RCN1: variants seen among roughly 807,000 people sequenced by gnomAD.
RCN1 encodes the protein reticulocalbin-1.
Under a neutral mutation model 34.7 loss-of-function variants are expected in RCN1, and 14 were observed. The ratio of observed to expected loss-of-function variants is 0.40; its 90% CI spans 0.27 to 0.63. The LOEUF is 0.63. Ranked by LOEUF, RCN1 falls within the 30% of genes least tolerant of loss-of-function variation. The probability of loss-of-function intolerance (pLI) is 0.37; values close to 1 mark genes in which losing one functional copy is unlikely to be tolerated. For missense variants in RCN1, 326 were observed against 425.1 expected, an observed-to-expected ratio of 0.77 and a Z score of 2.05; for synonymous variants, 125 against 165.5, an observed-to-expected ratio of 0.76 and a Z score of 1.88.
chr11:32,102,380 G>C (rs1484782821), intron 4 of RCN1: 1 of 152,278 alleles, frequency 6.6e-6, no homozygotes, highest in Non-Finnish European at 1.5e-5. Context: ...GGTCTACCTT[G>C]TAGTCAAGGG....
Position 32,104,876 on chromosome 11 carries a change from C to T in RCN1, c.*404C>T, listed in dbSNP as rs1852090814. On this transcript the variant is annotated 3_prime_UTR_variant, in exon 6 of 6. Transcript: ENST00000054950. ...ACTACCAGATTTTTTATATTTGCCA[C>T]TGTTAAATAGTTGGAAAGGGGAAAT... 5.6e-6 allele frequency: 1 copy of T among 178,176 alleles called. No homozygotes were observed. The highest frequency in any genetic ancestry group is 2.4e-5 in the African/African-American group (1 of 41,648). The allele number at this position is 178,176 out of a possible 1,614,324, so 11.0% of individuals were successfully genotyped here.
chr11:32,097,255 A>C lies in RCN1; in HGVS notation c.366A>C (p.Lys122Asn). The C allele has an allele frequency of 2.5e-6, 4 of 1,606,464 alleles. No individual in the cohort carries two copies. The highest frequency in any genetic ancestry group is 3.4e-6 in the Non-Finnish European group (4 of 1,178,004). ...QKRYIFDNVAKVWKDYDRDKD... is the reference protein window; with the variant it reads ...QKRYIFDNVANVWKDYDRDKD... ...GATACATCTTTGATAATGTCGCCAA[A>C]GTCTGGAAGGATTATGATAGGGACA... is the stretch of plus-strand genomic sequence containing the variant. Residue 122 changes from lysine (K) to asparagine (N), a missense_variant, in exon 2 of 6, where the codon AAA (lysine) becomes AAC (asparagine). Lys to Asn is a moderately conservative substitution (Grantham distance 94). Transcript: ENST00000054950.
intron 1 of RCN1, among the ~76,000 whole-genome samples, chr11:32,092,204 G>A (rs1436049726): frequency 2.6e-5 from 4 of 152,164 alleles, no homozygotes; most frequent in Non-Finnish European, 4.4e-5. Flanking sequence ...CTACTTGGGA[G>A]GCTGAGGCAG....
At chr11:32,102,748 C>A in intron 4 of RCN1, 1 of 319,704 alleles carries the variant, frequency 3.1e-6, no homozygotes, top group Admixed American at 4.9e-5. Flanking sequence ...TTGGGTAAGA[C>A]TTTACCTCAT....
rs991844214 is a variant in RCN1, at chr11:32,100,482, A to G, written c.628-66A>G. 7.6e-6 allele frequency: 10 copies of G among 1,311,032 alleles called. No individual in the cohort carries two copies. The Admixed American group carries it at 1.3e-4, about 18-fold the overall frequency. 81.2% of individuals were successfully genotyped at this position (1,311,032 alleles called of 1,614,324 possible). On this transcript the variant is annotated intron_variant, in intron 3 of 5. Transcript: ENST00000054950. ...CGTAAAAGCTGGACAAATGAGGACA[A>G]TAGAATTCTCAGACTTCTTAGAGCA... is the stretch of plus-strand genomic sequence containing the variant.
intron 1 of RCN1, among the ~76,000 whole-genome samples, chr11:32,095,607 A>G (rs1007558170): frequency 3.2e-4 from 48 of 152,158 alleles, no homozygotes; most frequent in African/African-American, 1.1e-3. Flanking sequence ...ACGGGGTTTC[A>G]CCGTGTTAGC....
intron 1 of RCN1, 125 bp downstream of exon 1, chr11:32,091,575 G>T: frequency 7.9e-7 from 1 of 1,271,600 alleles, no homozygotes; most frequent in Non-Finnish European, 1.1e-6. Context: ...CGAGGATGGG[G>T]CCCTGCCCAA....
chr11:32,091,314 C>T lies in RCN1; in HGVS notation c.118C>T (p.Arg40Trp). 3 of 1,547,292 alleles carry T rather than the reference C, an allele frequency of 1.9e-6. No homozygotes were observed. Among genetic ancestry groups the T allele is most frequent in the Non-Finnish European group, 2.6e-6 (3 of 1,146,046 alleles). The change falls in exon 1 of 6, where the codon CGG (arginine) becomes TGG (tryptophan). Residue 40 changes from arginine to tryptophan, a missense_variant. Transcript: ENST00000054950. Reference protein sequence around the residue: ...KPTVRKERVVRPDSELGERPP... With the variant: ...KPTVRKERVVWPDSELGERPP... ...CACGGTGCGCAAAGAGCGCGTGGTG[C>T]GGCCCGACTCGGAGCTGGGCGAGCG... is the stretch of plus-strand genomic sequence containing the variant.
At position 32,104,484 on chromosome 11, in the gene RCN1, C is replaced by T; in HGVS notation, c.*12C>T. 1 of 1,204,788 alleles carries T rather than the reference C, an allele frequency of 8.3e-7. No homozygotes were observed. The highest frequency in any genetic ancestry group is 1.2e-6 in the Non-Finnish European group (1 of 811,120). The allele number at this position is 1,204,788 out of a possible 1,614,324, so 74.6% of individuals were successfully genotyped here. ...ATGATGAGCTTTGATAGACACTCACCAGAATATGGCAGACTGTCATAGGCA... is the reference window on the plus strand; with the variant it reads ...ATGATGAGCTTTGATAGACACTCACTAGAATATGGCAGACTGTCATAGGCA... On this transcript the variant is annotated 3_prime_UTR_variant, in exon 6 of 6. Coordinates refer to ENST00000054950, the MANE Select transcript of RCN1 (RefSeq NM_002901.4).
intron 1 of RCN1, chr11:32,096,882 T>C: frequency 2.6e-6 from 1 of 379,842 alleles, no homozygotes; most frequent in Non-Finnish European, 4.7e-6. Context: ...AGAGCACCTC[T>C]AGGTTTATCA....
chr11:32,094,241 C>A (rs896319339), intron 1 of RCN1, among the ~76,000 whole-genome samples: 1 of 152,114 alleles, frequency 6.6e-6, no homozygotes, highest in Non-Finnish European at 1.5e-5. Context: ...ACCTGTCAGT[C>A]CTGAAAATGT....
chr11:32,091,107 G>T lies in RCN1; in HGVS notation c.-90G>T. On this transcript the variant is annotated 5_prime_UTR_variant, in exon 1 of 6. Transcript: ENST00000054950. ...CCTCCGCGCCGGCCCCAACCCTGTC[G>T]CTGCCGCCGCGCTCCGAGTCCCCAT... is the stretch of plus-strand genomic sequence containing the variant. 1 of 1,349,224 alleles carries T rather than the reference G, an allele frequency of 7.4e-7. No homozygotes were observed. The highest frequency in any genetic ancestry group is 1.6e-5 in the African/African-American group (1 of 64,516). 83.6% of individuals were successfully genotyped at this position (1,349,224 alleles called of 1,614,324 possible). A position where few individuals can be genotyped will look rare whatever the true frequency, so the allele number is the denominator to read the frequency against.
chr11:32,092,589 G>A (rs1010899477), intron 1 of RCN1, among the ~76,000 whole-genome samples: 17 of 152,166 alleles, frequency 1.1e-4, no homozygotes, highest in Admixed American at 3.3e-4. Context: ...ACAAAACTTC[G>A]GCGCATTTTA....
intron 3 of RCN1, among the ~76,000 whole-genome samples, chr11:32,100,310 G>T (rs902522475): frequency 6.7e-6 from 1 of 148,382 alleles, no homozygotes; most frequent in Non-Finnish European, 1.5e-5. Flanking sequence ...GGGGTTACAG[G>T]TACATCTTGC....
At chr11:32,102,670 AG>A (rs1398818613) in intron 4 of RCN1, 1 of 230,978 alleles carries the variant, frequency 4.3e-6, no homozygotes, top group Non-Finnish European at 8.5e-6. Flanking sequence ...ACAGTGGCTA[AG>A]ACTCTGGGTT....
chr11:32,097,425 C>A (rs1851985840), intron 2 of RCN1, 88 bp downstream of exon 2: 1 of 943,726 alleles, frequency 1.1e-6, no homozygotes, highest in Non-Finnish European at 1.5e-6. Context: ...ATATCCACTC[C>A]CTTCAGGGAG....
Position 32,104,936 on chromosome 11 carries a change from G to A in RCN1, c.*464G>A, listed in dbSNP as rs996336210. ...GCGAAAGTGGTATCATCCTAGGTAA[G>A]CTTATTTCAGAACAAGTCTAATATT... On this transcript the variant is annotated 3_prime_UTR_variant, in exon 6 of 6. Coordinates refer to ENST00000054950, the MANE Select transcript of RCN1 (RefSeq NM_002901.4). 4 of 171,596 alleles carry A rather than the reference G, an allele frequency of 2.3e-5. No homozygotes were observed. The highest frequency in any genetic ancestry group is 7.2e-5 in the African/African-American group (3 of 41,480). The allele number at this position is 171,596 out of a possible 1,614,324, so 10.6% of individuals were successfully genotyped here.
At chr11:32,097,484 T>A (rs223072) in intron 2 of RCN1, 147 bp downstream of exon 2, 2 of 487,860 alleles carry the variant, frequency 4.1e-6, no homozygotes, top group Non-Finnish European at 6.9e-6. Flanking sequence ...CCCTCCTCTG[T>A]AAACTCAGAA....
At chr11:32,093,200 T>A (rs891127596) in intron 1 of RCN1, among the ~76,000 whole-genome samples, 2 of 152,216 alleles carry the variant, frequency 1.3e-5, no homozygotes, top group African/African-American at 4.8e-5. Context: ...CAGTTCAGCC[T>A]AGTAGTGAGA....
Sources: gnomAD v4.1 joint callset for allele counts (sites outside exome capture counted in the v4.1 genomes callset) on GRCh38, gnomAD v4.1.1 for gene constraint, MANE v1.5 for transcripts, NCBI Gene and HGNC (gene_info 2026-07-23, HGNC 2026-07-21) for gene names.